Variants in ZNF367 observed in about 807,000 individuals in gnomAD.
ZNF367 encodes C2H2 zinc finger protein ZFF29.
ZNF367 carries 11 observed loss-of-function variants against 31.8 expected under a neutral mutation model. The ratio of observed to expected loss-of-function variants is 0.35; its 90% confidence interval spans 0.22 to 0.57. The LOEUF (loss-of-function observed/expected upper bound fraction) is 0.57, where lower values mean the gene tolerates loss of function less well. ZNF367 is among the 20% of genes least tolerant of loss of function. ZNF367 has a pLI of 0.85. For synonymous variants in ZNF367, 199 were observed against 202.4 expected (o/e 0.98, Z 0.14); for missense variants, 353 against 484.1 (o/e 0.73, Z 2.54).
Position 96,417,615 on chromosome 9 carries a change from T to C in ZNF367, c.418A>G (p.Lys140Glu). The C allele has an allele frequency of 1.7e-6, 1 of 605,402 alleles. No homozygotes were observed. The highest frequency in any genetic ancestry group is 2.4e-6 in the Non-Finnish European group (1 of 424,264). The allele number at this position is 605,402 out of a possible 1,614,324, so 37.5% of individuals were successfully genotyped here. Reference sequence around the variant, plus strand: ...GCCCGCCCGCCCGCGCCGCTCACCTTGAGGTGGCCGCTGTCTGGGCTGCTC... The same window carrying C: ...GCCCGCCCGCCCGCGCCGCTCACCTCGAGGTGGCCGCTGTCTGGGCTGCTC... The part of the protein sequence containing the change: ...EASSPDSGHL[K>E]DGIRRGRPRA... Residue 140 changes from lysine (K) to glutamate (E), a missense_variant and splice_region_variant, in exon 1 of 5, where the codon AAG (lysine) becomes GAG (glutamate). Coordinates refer to ENST00000375256, the MANE Select transcript of ZNF367 (RefSeq NM_153695.4). This position sits in a 1 kb window ranked among gnomAD's most constrained non-coding sequence, Gnocchi z 5.0.
At chr9:96,389,916 T>G (rs1831449593) in intron 4 of ZNF367, among the ~76,000 whole-genome samples, 2 of 148,456 alleles carry the variant, frequency 1.3e-5, no homozygotes, top group Admixed American at 1.3e-4. Flanking sequence ...TTTTTTTTTT[T>G]TTTTTGGAGA....
intron 1 of ZNF367, among the ~76,000 whole-genome samples, chr9:96,411,166 A>T (rs1364794280): frequency 1.3e-5 from 2 of 151,718 alleles, no homozygotes; most frequent in Non-Finnish European, 2.9e-5. Flanking sequence ...CCTGGGCGAC[A>T]GAGACCTTGT....
Position 96,387,670 on chromosome 9 carries a change from A to G in ZNF367, c.*567T>C, listed in dbSNP as rs1831421487. ...ATCTTACCAAGAGCCTCAAATATCTATTTTCTTCTAAGTCCATTACTTAGA... is the reference window on the plus strand; with the variant it reads ...ATCTTACCAAGAGCCTCAAATATCTGTTTTCTTCTAAGTCCATTACTTAGA... On this transcript the variant is annotated 3_prime_UTR_variant, in exon 5 of 5. Coordinates refer to ENST00000375256, the MANE Select transcript of ZNF367 (RefSeq NM_153695.4). 6.6e-6 allele frequency: 1 copy of G among 152,122 alleles called. No individual in the cohort carries two copies. The highest frequency in any genetic ancestry group is 6.6e-5 in the Admixed American group (1 of 15,264). 9.4% of individuals were successfully genotyped at this position (152,122 alleles called of 1,614,324 possible). A position where few individuals can be genotyped will look rare whatever the true frequency, so the allele number is the denominator to read the frequency against.
At chr9:96,389,306 A>G (rs546580792) in intron 4 of ZNF367, among the ~76,000 whole-genome samples, 4 of 151,988 alleles carry the variant, frequency 2.6e-5, no homozygotes, top group Admixed American at 2.0e-4. Flanking sequence ...TTTCAAGAAA[A>G]AAAAAAAAAA....
chr9:96,413,524 C>T (rs541589134), intron 1 of ZNF367, among the ~76,000 whole-genome samples: 52 of 152,236 alleles, frequency 3.4e-4, no homozygotes, highest in Admixed American at 7.9e-4. Context: ...TGAATAGTAT[C>T]TGAGAAGCCA....
rs182438701 is a variant in ZNF367 at position 96,402,451 on chromosome 9, T to C, written c.421-4137A>G. Reference sequence around the variant, plus strand: ...TCCTTTACTTCTTTCTTTCTTTTTTTTTTTTTTTTTTTTTTTTTGAGACAG... The same window carrying C: ...TCCTTTACTTCTTTCTTTCTTTTTTCTTTTTTTTTTTTTTTTTTGAGACAG... On this transcript the variant is annotated intron_variant, in intron 1 of 4. Coordinates refer to ENST00000375256, the MANE Select transcript of ZNF367 (RefSeq NM_153695.4). Among the ~76,000 whole-genome samples, 955 of 124,774 alleles carry C rather than the reference T, an allele frequency of 7.7e-3. 13 individuals are homozygous for C. The highest frequency in any genetic ancestry group is 0.029 in the African/African-American group (909 of 31,708). 81.9% of individuals were successfully genotyped at this position (124,774 alleles called of 152,430 possible). A position where few individuals can be genotyped will look rare whatever the true frequency, so the allele number is the denominator to read the frequency against.
At chr9:96,413,317 T>C (rs575130512) in intron 1 of ZNF367, among the ~76,000 whole-genome samples, 2 of 152,344 alleles carry the variant, frequency 1.3e-5, no homozygotes, top group East Asian at 1.9e-4. Flanking sequence ...CAATAAATAG[T>C]GCCTACTATG....
intron 1 of ZNF367, among the ~76,000 whole-genome samples, chr9:96,412,643 A>G (rs968893623): frequency 4.6e-5 from 7 of 152,032 alleles, no homozygotes; most frequent in African/African-American, 7.2e-5. Context: ...AAGCATCTCA[A>G]TTGAGACATA....
At chr9:96,410,093 C>T (rs1272038197) in intron 1 of ZNF367, among the ~76,000 whole-genome samples, 1 of 147,462 alleles carries the variant, frequency 6.8e-6, no homozygotes, top group Non-Finnish European at 1.5e-5. Context: ...GAAACCCTGT[C>T]TCTACTAAAA....
chr9:96,399,330 T>G (rs1469276474), intron 1 of ZNF367, among the ~76,000 whole-genome samples: 1 of 152,098 alleles, frequency 6.6e-6, no homozygotes, highest in African/African-American at 2.4e-5. Context: ...TTCTGTCTAC[T>G]CTTTTTTGGG....
chr9:96,418,115 C>G lies in ZNF367; in HGVS notation c.-83G>C. 7.8e-7 allele frequency: 1 copy of G among 1,283,182 alleles called. No individual in the cohort carries two copies. The highest frequency in any genetic ancestry group is 9.9e-7 in the Non-Finnish European group (1 of 1,014,554). 79.5% of individuals were successfully genotyped at this position (1,283,182 alleles called of 1,614,324 possible). A position where few individuals can be genotyped will look rare whatever the true frequency, so the allele number is the denominator to read the frequency against. ...GCCCCTCACTCGCTCTGCTCCGAGT[C>G]GCAGGCTCAGTCCTGCCGGCTCATG... On this transcript the variant is annotated 5_prime_UTR_variant, in exon 1 of 5. Coordinates refer to ENST00000375256, the MANE Select transcript of ZNF367 (RefSeq NM_153695.4).
chr9:96,398,203 G>A lies in ZNF367; in HGVS notation c.532C>T (p.Arg178Trp). Residue 178 changes from arginine (R) to tryptophan (W), a missense_variant, in exon 2 of 5, where the codon CGG becomes TGG. Around this residue, in one of 5 missense-constraint regions of ZNF367, gnomAD observed 57 missense variants for 141.9 expected, o/e 0.40. Coordinates refer to ENST00000375256, the MANE Select transcript of ZNF367 (RefSeq NM_153695.4). Reference sequence around the variant, plus strand: ...TTGTGAGCCTGGAGCGATTTCTCCCGTGGAAACACCCTATTACAGATGTTA... The same window carrying A: ...TTGTGAGCCTGGAGCGATTTCTCCCATGGAAACACCCTATTACAGATGTTA... ...RCNICNRVFP[R>W]EKSLQAHKRT... is the part of the protein sequence containing the mutation. 2.5e-6 allele frequency: 4 copies of A among 1,599,032 alleles called. No individual in the cohort carries two copies. Among genetic ancestry groups the A allele is most frequent in the East Asian group, 2.3e-5 (1 of 44,044 alleles).
intron 1 of ZNF367, among the ~76,000 whole-genome samples, chr9:96,415,974 GC>G (rs1346714979): frequency 1.6e-4 from 24 of 151,730 alleles, no homozygotes; most frequent in African/African-American, 5.6e-4. Flanking sequence ...GGTCTATGTT[GC>G]CCAGGCTGGT....
intron 1 of ZNF367, among the ~76,000 whole-genome samples, chr9:96,413,951 G>A (rs1362988295): frequency 6.6e-6 from 1 of 151,830 alleles, no homozygotes; most frequent in African/African-American, 2.4e-5. Context: ...AATGTTATTG[G>A]CACTGGCTAT....
At chr9:96,404,391 GAGACC>G (rs1831645034) in intron 1 of ZNF367, among the ~76,000 whole-genome samples, 1 of 151,520 alleles carries the variant, frequency 6.6e-6, no homozygotes, top group South Asian at 2.1e-4. Context: ...TCAAGAGATC[GAGACC>G]ATCCTGGCTA....
chr9:96,407,753 G>A, intron 1 of ZNF367: 1 of 1,372,034 alleles, frequency 7.3e-7, no homozygotes, highest in Non-Finnish European at 1.0e-6. Flanking sequence ...GTTGGAGATG[G>A]CTTTACAAGA....
intron 1 of ZNF367, among the ~76,000 whole-genome samples, chr9:96,400,392 CAA>C (rs57650386): frequency 1.6e-3 from 112 of 71,856 alleles, no homozygotes; most frequent in South Asian, 9.3e-3. Flanking sequence ...GACCCTGTCT[CAA>C]AAAAAAAAAA....
chr9:96,415,478 CATTTTTTTTTTTTT>C (rs1831810394), intron 1 of ZNF367, among the ~76,000 whole-genome samples: 20 of 65,576 alleles, frequency 3.0e-4, no homozygotes, highest in African/African-American at 1.1e-3. Flanking sequence ...TTAGTTTCTT[CATTTTTTTTTTTTT>C]TTTTTTTTTT....
chr9:96,389,735 T>A (rs1355715414), intron 4 of ZNF367, among the ~76,000 whole-genome samples: 2 of 149,378 alleles, frequency 1.3e-5, no homozygotes, highest in Non-Finnish European at 2.9e-5. Flanking sequence ...TATTTATTTT[T>A]ATTTTATTTT....
Sources: allele counts gnomAD v4.1 joint callset (sites outside exome capture counted in the v4.1 genomes callset), GRCh38; gene constraint gnomAD v4.1.1; regional missense constraint gnomAD v4.1.1; non-coding constraint Gnocchi (gnomAD v3.1); transcripts MANE v1.5; gene names NCBI Gene and HGNC (gene_info 2026-07-23, HGNC 2026-07-21).